ADAMTS9: variants seen among roughly 807,000 people sequenced by gnomAD.
The protein encoded by ADAMTS9 is ADAM metallopeptidase with thrombospondin type 1 motif 9.
A neutral mutation model predicts 257.1 loss-of-function variants in ADAMTS9; 107 were observed. That is an observed-to-expected ratio of 0.42 (90% CI 0.36 to 0.49). ADAMTS9 has a LOEUF of 0.49. ADAMTS9 is among the 20% of genes least tolerant of loss of function. ADAMTS9 has a pLI of 0.03. For synonymous variants in ADAMTS9, 982 were observed against 880.9 expected, an observed-to-expected ratio of 1.11 and a Z score of -2.03; for missense variants, 2,353 against 2,469.1, an observed-to-expected ratio of 0.95 and a Z score of 1.00.
Position 64,541,371 on chromosome 3 carries a change from A to G in ADAMTS9, c.5336T>C (p.Val1779Ala). The G allele has an allele frequency of 6.2e-7, 1 of 1,614,168 alleles. No individual in the cohort carries two copies. Among genetic ancestry groups the G allele is most frequent in the African/African-American group, 1.3e-5 (1 of 75,048 alleles). Residue 1779 changes from valine to alanine, a missense_variant, in exon 35 of 40, where the codon GTG (valine) becomes GCG (alanine). Physicochemically the swap from Val to Ala is moderately conservative, Grantham distance 64 (BLOSUM62 0). Around this residue, in one of 3 missense-constraint regions of ADAMTS9, gnomAD observed 1,402 missense variants for 1,441.4 expected, o/e 0.97. Coordinates refer to ENST00000498707, the MANE Select transcript of ADAMTS9 (RefSeq NM_182920.2). ...CTCAGAGTCTCCATGCACCAGTGTCACGTACTCTTTGGGGTGGTCAGAGTG... is the reference window on the plus strand; with the variant it reads ...CTCAGAGTCTCCATGCACCAGTGTCGCGTACTCTTTGGGGTGGTCAGAGTG... ...GMHSDHPKEY[V>A]TLVHGDSENF... is the part of the protein sequence containing the mutation.
At chr3:64,592,807 G>A (rs555281766) in intron 28 of ADAMTS9, 42 of 151,712 alleles carry the variant, frequency 2.8e-4, no homozygotes, top group African/African-American at 9.0e-4. Flanking sequence ...AATGAACTAC[G>A]ACTTTGTGGA....
At chr3:64,669,723 A>G (rs889352507) in intron 3 of ADAMTS9, among the ~76,000 whole-genome samples, 2 of 152,170 alleles carry the variant, frequency 1.3e-5, no homozygotes, top group Admixed American at 1.3e-4. Context: ...GTAGAATAAG[A>G]CAGAATAACT....
At chr3:64,616,677 G>A (rs551809109) in intron 19 of ADAMTS9, among the ~76,000 whole-genome samples, 1 of 152,068 alleles carries the variant, frequency 6.6e-6, no homozygotes, top group African/African-American at 2.4e-5. Context: ...CCAATCGTCT[G>A]GTTCTTTTAA....
At chr3:64,594,223 G>A in intron 28 of ADAMTS9, 35 bp downstream of exon 28, 1 of 1,586,434 alleles carries the variant, frequency 6.3e-7, no homozygotes, top group Non-Finnish European at 8.6e-7. Flanking sequence ...GAATTAGATA[G>A]TTTGGTTAAC....
chr3:64,639,312 TAAAAAAAAAAA>T (rs761906399), intron 12 of ADAMTS9, among the ~76,000 whole-genome samples: 4 of 89,224 alleles, frequency 4.5e-5, no homozygotes, highest in Non-Finnish European at 5.9e-5. Context: ...TTTTTTTTTT[TAAAAAAAAAAA>T]AAAAAAAACC....
chr3:64,675,024 C>T (rs1449067932), intron 3 of ADAMTS9, among the ~76,000 whole-genome samples: 1 of 152,112 alleles, frequency 6.6e-6, no homozygotes, highest in African/African-American at 2.4e-5. Context: ...AATCAAATTC[C>T]AGACAGGCAT....
intron 19 of ADAMTS9, 69 bp from the exon 20 acceptor site, chr3:64,616,239 G>T: frequency 1.3e-6 from 2 of 1,511,304 alleles, no homozygotes; most frequent in Non-Finnish European, 1.8e-6. Flanking sequence ...TAGTCAACTG[G>T]TATTCATAGA....
At chr3:64,606,883 A>G (rs1255541499) in intron 23 of ADAMTS9, 77 bp downstream of exon 23, 6 of 1,571,764 alleles carry the variant, frequency 3.8e-6, no homozygotes, top group Non-Finnish European at 5.2e-6. Flanking sequence ...AAAGGATTTC[A>G]ATTTTGTCTA....
chr3:64,660,786 G>C (rs1377710135), intron 3 of ADAMTS9, among the ~76,000 whole-genome samples: 1 of 152,042 alleles, frequency 6.6e-6, no homozygotes, highest in East Asian at 1.9e-4. Flanking sequence ...TCCTTTAAGC[G>C]AAAAGGTGAA....
chr3:64,524,525 CTAAT>C (rs2082886722), intron 38 of ADAMTS9, among the ~76,000 whole-genome samples: 1 of 152,320 alleles, frequency 6.6e-6, no homozygotes, highest in South Asian at 2.1e-4. Context: ...ATAGAGAACA[CTAAT>C]TAAGCGAAAT....
Position 64,544,793 on chromosome 3 carries a change from A to T in ADAMTS9, c.5064+1965T>A, listed in dbSNP as rs1055686531. Among the ~76,000 whole-genome samples, 222 of 152,366 alleles carry T rather than the reference A, an allele frequency of 1.5e-3. 1 individual carries two copies. Among genetic ancestry groups the T allele is most frequent in the Non-Finnish European group, 2.3e-3 (155 of 68,044 alleles). On this transcript the variant is annotated intron_variant, in intron 32 of 39. Coordinates refer to ENST00000498707, the MANE Select transcript of ADAMTS9 (RefSeq NM_182920.2). The stretch of plus-strand genomic sequence containing the variant: ...TCTAATTAAACTAAAGAGCTTCTGC[A>T]CAGCAAAAGAAACTACCATCAGAGT...
chr3:64,541,573 T>G lies in ADAMTS9; in HGVS notation c.5245A>C (p.Ser1749Arg). Reference sequence around the variant, plus strand: ...ATCAGGAAATATTCACCATCTTCACTGGCACCTTTAAGTCTTTTTACCTCC... The same window carrying G: ...ATCAGGAAATATTCACCATCTTCACGGGCACCTTTAAGTCTTTTTACCTCC... ...CKEVKRLKGA[S>R]EDGEYFLMIR... The change falls in exon 34 of 40, where the codon AGT (serine) becomes CGT (arginine). Residue 1749 changes from serine to arginine, a missense_variant. Ser to Arg is a moderately radical substitution (Grantham distance 110, BLOSUM62 -1). This residue lies in a region of ADAMTS9 where 1,402 missense variants were observed against 1,441.4 expected (regional missense o/e 0.97). Transcript: ENST00000498707. The G allele has an allele frequency of 6.2e-7, 1 of 1,614,182 alleles. No individual in the cohort carries two copies.
intron 37 of ADAMTS9, among the ~76,000 whole-genome samples, chr3:64,533,768 AAAG>A (rs1265932799): frequency 6.6e-6 from 1 of 152,204 alleles, no homozygotes; most frequent in South Asian, 2.1e-4. Flanking sequence ...GCGGGACTTC[AAAG>A]AAGAGGCGCT....
At chr3:64,568,726 C>T in intron 28 of ADAMTS9, 191 bp from the exon 29 acceptor site, 1 of 589,550 alleles carries the variant, frequency 1.7e-6, no homozygotes, top group Non-Finnish European at 2.8e-6. Context: ...AAAATGTCCA[C>T]AGCATTACAG....
chr3:64,564,998 A>C (rs1052022270), intron 29 of ADAMTS9, among the ~76,000 whole-genome samples: 7 of 152,220 alleles, frequency 4.6e-5, no homozygotes, highest in Non-Finnish European at 1.0e-4. Context: ...ATTGGTGCTA[A>C]TATGATGCAG....
chr3:64,654,532 A>G (rs1487268873), intron 7 of ADAMTS9, 40 bp downstream of exon 7: 2 of 1,461,980 alleles, frequency 1.4e-6, no homozygotes. Context: ...ACATGTAGTA[A>G]AACGGTTTTA....
At chr3:64,570,852 G>A (rs2083667692) in intron 28 of ADAMTS9, among the ~76,000 whole-genome samples, 2 of 152,062 alleles carry the variant, frequency 1.3e-5, no homozygotes, top group African/African-American at 4.8e-5. Context: ...CAGAGATGGG[G>A]AAAACTGGGA....
Position 64,616,237 on chromosome 3 carries a change from T to C in ADAMTS9, c.2814-67A>G, listed in dbSNP as rs1006991234. 47 of 1,527,418 alleles carry C rather than the reference T, an allele frequency of 3.1e-5. No individual in the cohort carries two copies. In the Middle Eastern group the frequency reaches 5.4e-4, roughly 17 times the overall value. The allele number at this position is 1,527,418 out of a possible 1,614,324, so 94.6% of individuals were successfully genotyped here. On this transcript the variant is annotated intron_variant, in intron 19 of 39. Coordinates refer to ENST00000498707, the MANE Select transcript of ADAMTS9 (RefSeq NM_182920.2). ...AATATATGCCTTATCTATAGTCAAC[T>C]GGTATTCATAGAAGAGTTGAGTTCT...
At chr3:64,636,197 T>C (rs918133023) in intron 12 of ADAMTS9, among the ~76,000 whole-genome samples, 2 of 152,226 alleles carry the variant, frequency 1.3e-5, no homozygotes, top group Non-Finnish European at 2.9e-5. Context: ...TCCCTTCAGA[T>C]GGTAACAGTT....
Sources: gnomAD v4.1 joint callset for allele counts (sites outside exome capture counted in the v4.1 genomes callset) on GRCh38, gnomAD v4.1.1 for gene constraint, gnomAD v4.1.1 regional missense constraint, MANE v1.5 for transcripts, NCBI Gene and HGNC (gene_info 2026-07-23, HGNC 2026-07-21) for gene names.